The following CELF4 variants were observed in gnomAD, a reference collection of about 807,000 sequenced individuals.
CELF4 encodes CUG-BP- and ETR-3-like factor 4.
CELF4 carries 18 observed loss-of-function variants against 59.9 expected under a neutral mutation model. That is an observed-to-expected ratio of 0.30 (90% CI 0.21 to 0.45). The LOEUF (loss-of-function observed/expected upper bound fraction) is 0.45, where lower values mean the gene tolerates loss of function less well. Among genes scored for constraint, CELF4 ranks in the 20% least tolerant of loss-of-function variants. The pLI, the probability that CELF4 is intolerant of heterozygous loss-of-function variation, is 1.00. For missense variants in CELF4, 456 were observed against 689.0 expected (o/e 0.66, Z 3.79); for synonymous variants, 261 against 267.1 (o/e 0.98, Z 0.22).
chr18:37,298,145 G>T (rs1422067724), intron 3 of CELF4, among the ~76,000 whole-genome samples: 3 of 152,236 alleles, frequency 2.0e-5, no homozygotes, highest in Non-Finnish European at 4.4e-5. Context: ...TCAACCCAGG[G>T]CTGCAGGAAG....
At chr18:37,558,282 A>G (rs12967855) in intron 1 of CELF4, among the ~76,000 whole-genome samples, 80,155 of 151,530 alleles carry the variant, frequency 0.53, 24,477 homozygotes, top group Non-Finnish European at 0.67. Context: ...ATACCCACCT[A>G]GGGCTATGCG....
At chr18:37,269,665 C>T (rs533316408) in intron 8 of CELF4, among the ~76,000 whole-genome samples, 23 of 152,216 alleles carry the variant, frequency 1.5e-4, no homozygotes, top group South Asian at 4.1e-4. Context: ...CCAATTCCTG[C>T]CCATCTGTTA....
chr18:37,532,194 A>G (rs1271552096), intron 1 of CELF4, among the ~76,000 whole-genome samples: 1 of 152,172 alleles, frequency 6.6e-6, no homozygotes, highest in Non-Finnish European at 1.5e-5. Flanking sequence ...TCACAATCAT[A>G]TCCATTCATC....
chr18:37,303,845 T>A (rs1267993852), intron 3 of CELF4, among the ~76,000 whole-genome samples: 1 of 152,170 alleles, frequency 6.6e-6, no homozygotes, highest in Non-Finnish European at 1.5e-5. Context: ...TGTCCTTTCC[T>A]TCTGTTTCCA....
chr18:37,403,093 T>A (rs2099348761), intron 2 of CELF4, among the ~76,000 whole-genome samples: 1 of 150,842 alleles, frequency 6.6e-6, no homozygotes, highest in South Asian at 2.1e-4. Context: ...ATGCCTAATC[T>A]GAGACAGTGA....
rs762356295 is a variant in CELF4 at position 37,565,687 on chromosome 18, C to T, written c.-46G>A. ...TTATTCTTTCTCGCTCACACTCTCTCGCTCCTCTCTCTCGCTCGCTCGCGC... is the reference window on the plus strand; with the variant it reads ...TTATTCTTTCTCGCTCACACTCTCTTGCTCCTCTCTCTCGCTCGCTCGCGC... On this transcript the variant is annotated 5_prime_UTR_variant, in exon 1 of 13. Transcript: ENST00000420428. 1 of 1,472,230 alleles carries T rather than the reference C, an allele frequency of 6.8e-7. No individual in the cohort carries two copies. 91.2% of individuals were successfully genotyped at this position (1,472,230 alleles called of 1,614,324 possible). A position where few individuals can be genotyped will look rare whatever the true frequency, so the allele number is the denominator to read the frequency against.
At chr18:37,507,226 G>T (rs1220616935) in intron 1 of CELF4, among the ~76,000 whole-genome samples, 1 of 152,212 alleles carries the variant, frequency 6.6e-6, no homozygotes, top group African/African-American at 2.4e-5. Context: ...GACCCTGACA[G>T]TCATCTGAGT....
At chr18:37,497,471 G>A (rs948083911) in intron 1 of CELF4, among the ~76,000 whole-genome samples, 12 of 152,102 alleles carry the variant, frequency 7.9e-5, no homozygotes, top group Non-Finnish European at 1.6e-4. Flanking sequence ...GACCAATATG[G>A]TGAAACCCCA....
At chr18:37,269,191 C>T (rs1353959153) in intron 8 of CELF4, among the ~76,000 whole-genome samples, 1 of 152,102 alleles carries the variant, frequency 6.6e-6, no homozygotes, top group East Asian at 1.9e-4. Flanking sequence ...ACCCTACCAG[C>T]TTGGGGTCAT....
chr18:37,359,301 G>T (rs541715272), intron 2 of CELF4, among the ~76,000 whole-genome samples: 1 of 152,288 alleles, frequency 6.6e-6, no homozygotes, highest in Admixed American at 6.5e-5. Flanking sequence ...GAGCTGAGCA[G>T]TGCTGGGCCA....
chr18:37,375,322 A>G (rs1207475927), intron 2 of CELF4, among the ~76,000 whole-genome samples: 1 of 152,218 alleles, frequency 6.6e-6, no homozygotes, highest in African/African-American at 2.4e-5. Context: ...AGAACACCAA[A>G]GGAAGTAAGC....
Position 37,565,362 on chromosome 18 carries a change from G to T in CELF4, c.280C>A (p.His94Asn), listed in dbSNP as rs775557744. 2 of 1,558,482 alleles carry T rather than the reference G, an allele frequency of 1.3e-6. No homozygotes were observed. The highest frequency in any genetic ancestry group is 1.7e-6 in the Non-Finnish European group (2 of 1,149,454). ...TVLKDRFTGMHKGCAFLTYCE... is the reference protein window; with the variant it reads ...TVLKDRFTGMNKGCAFLTYCE... ...GAGGGAAAGGTGTACTCACCTTTGT[G>T]CATGCCTGTGAACCTGTCCTTCAGA... is the stretch of plus-strand genomic sequence containing the variant. Residue 94 changes from histidine to asparagine, a missense_variant, in exon 1 of 13, where the codon CAC becomes AAC. Around this residue, in one of 7 missense-constraint regions of CELF4, gnomAD observed 63 missense variants for 110.6 expected, o/e 0.57. Coordinates refer to ENST00000420428, the MANE Select transcript of CELF4 (RefSeq NM_020180.4).
At chr18:37,380,729 TATCCATCCAGTC>T (rs749408468) in intron 2 of CELF4, among the ~76,000 whole-genome samples, 7 of 147,816 alleles carry the variant, frequency 4.7e-5, no homozygotes, top group Non-Finnish European at 7.4e-5. Context: ...TCTATCCATT[TATCCATCCAGTC>T]ATCCATCCAT....
In CELF4 at chr18:37,273,085, C is replaced by T. The variant is rs765103903; in HGVS notation, c.880G>A (p.Ala294Thr). Residue 294 changes from alanine (A) to threonine (T), a missense_variant, in exon 7 of 13, where the codon GCC (alanine) becomes ACC (threonine). Coordinates refer to ENST00000420428, the MANE Select transcript of CELF4 (RefSeq NM_020180.4). ...AGGGCCGCCATCTGCTGCATCTGGG[C>T]GGCAGCGAAGGCAGCCATGGGGTTC... ...YLNPMAAFAA[A>T]QMQQMAALNM... 5.6e-5 allele frequency: 90 copies of T among 1,613,020 alleles called. No individual in the cohort carries two copies. Among genetic ancestry groups the T allele is most frequent in the South Asian group, 1.9e-4 (17 of 91,044 alleles).
At chr18:37,269,566 C>T (rs1366446069) in intron 8 of CELF4, among the ~76,000 whole-genome samples, 4 of 152,182 alleles carry the variant, frequency 2.6e-5, no homozygotes, top group African/African-American at 9.7e-5. Context: ...GGCTGGCCTG[C>T]CTGCCGTGTG....
chr18:37,488,473 G>A (rs1213958241), intron 1 of CELF4, among the ~76,000 whole-genome samples: 1 of 152,188 alleles, frequency 6.6e-6, no homozygotes, highest in Non-Finnish European at 1.5e-5. Context: ...CAGAAATGGT[G>A]CTCAGAGGCT....
intron 1 of CELF4, among the ~76,000 whole-genome samples, chr18:37,524,804 C>T (rs1355200385): frequency 6.6e-6 from 1 of 152,138 alleles, no homozygotes; most frequent in Non-Finnish European, 1.5e-5. Flanking sequence ...GCGCTCTACG[C>T]CCTCCGCGCC....
chr18:37,399,588 G>A (rs1279414355), intron 2 of CELF4, among the ~76,000 whole-genome samples: 8 of 152,164 alleles, frequency 5.3e-5, no homozygotes, highest in Admixed American at 1.3e-4. Context: ...AACAACAGTC[G>A]CTCTAGAAGG....
At position 37,299,209 on chromosome 18, in the gene CELF4, C is replaced by T. The variant is rs1462517354; in HGVS notation, c.448+22594G>A. 3.9e-5 allele frequency among the ~76,000 whole-genome samples: 6 copies of T among 152,350 alleles called. No individual in the cohort carries two copies. The Middle Eastern group carries it at 0.01, about 259-fold the overall frequency. On this transcript the variant is annotated intron_variant, in intron 3 of 12. Transcript: ENST00000420428. Reference sequence around the variant, plus strand: ...CTAAACAGAGGCAGACCAGAAGAGGCACTGCAGCAGGGGCCAGCCTCAGAC... The same window carrying T: ...CTAAACAGAGGCAGACCAGAAGAGGTACTGCAGCAGGGGCCAGCCTCAGAC...
Sources: gnomAD v4.1 joint callset for allele counts (sites outside exome capture counted in the v4.1 genomes callset) on GRCh38, gnomAD v4.1.1 for gene constraint, gnomAD v4.1.1 regional missense constraint, MANE v1.5 for transcripts, NCBI Gene and HGNC (gene_info 2026-07-23, HGNC 2026-07-21) for gene names.